Variants in PPP1R12B observed in about 807,000 individuals in gnomAD.
PPP1R12B encodes the protein myosin phosphatase target subunit 2.
In PPP1R12B, 76 loss-of-function variants were observed where a neutral mutation model predicts 126.1. The ratio of observed to expected loss-of-function variants is 0.60; its 90% CI spans 0.50 to 0.73. The LOEUF (loss-of-function observed/expected upper bound fraction) is 0.73. PPP1R12B is among the 30% of genes least tolerant of loss of function. The pLI is 0.00. For missense variants in PPP1R12B, 1,052 were observed against 1,205.1 expected, an observed-to-expected ratio of 0.87 and a Z score of 1.88; for synonymous variants, 356 against 434.7, an observed-to-expected ratio of 0.82 and a Z score of 2.25.
chr1:202,544,724 AAAAC>A (rs1685479166), intron 18 of PPP1R12B, among the ~76,000 whole-genome samples: 2 of 152,274 alleles, frequency 1.3e-5, no homozygotes, highest in Non-Finnish European at 2.9e-5. Flanking sequence ...AAAAATGACA[AAAAC>A]AAAAAAATAC....
chr1:202,507,575 C>T (rs1680960040), intron 18 of PPP1R12B, among the ~76,000 whole-genome samples: 1 of 152,124 alleles, frequency 6.6e-6, no homozygotes, highest in Admixed American at 6.5e-5. Flanking sequence ...TGGTATTTTT[C>T]CAAAGTTTTT....
chr1:202,395,380 C>T (rs572940056), intron 1 of PPP1R12B, among the ~76,000 whole-genome samples: 4 of 152,218 alleles, frequency 2.6e-5, no homozygotes, highest in African/African-American at 4.8e-5. Context: ...AAAATACCGC[C>T]GCTCCCTTGA....
chr1:202,443,558 A>T (rs1282491223), intron 12 of PPP1R12B, among the ~76,000 whole-genome samples: 1 of 152,276 alleles, frequency 6.6e-6, no homozygotes, highest in African/African-American at 2.4e-5. Flanking sequence ...GATACATTCT[A>T]TAAGAAAGGG....
At chr1:202,423,932 G>C (rs1669146158) in intron 3 of PPP1R12B, among the ~76,000 whole-genome samples, 1 of 152,142 alleles carries the variant, frequency 6.6e-6, no homozygotes, top group African/African-American at 2.4e-5. Flanking sequence ...TGATCCACCA[G>C]CCTCGGCCTC....
chr1:202,513,810 C>G (rs920379987), intron 18 of PPP1R12B, among the ~76,000 whole-genome samples: 3 of 152,072 alleles, frequency 2.0e-5, no homozygotes, highest in African/African-American at 7.2e-5. Context: ...AGGAGGGCCA[C>G]TGCTATGAAA....
chr1:202,438,066 T>G, intron 10 of PPP1R12B, 42 bp downstream of exon 10: 1 of 1,600,236 alleles, frequency 6.2e-7, no homozygotes, highest in Non-Finnish European at 8.5e-7. Context: ...AGGCAGTTTT[T>G]TTTTTCCATG....
intron 12 of PPP1R12B, among the ~76,000 whole-genome samples, chr1:202,444,698 TTTTCCTATTATTCCC>T (rs1269372077): frequency 6.6e-6 from 1 of 152,206 alleles, no homozygotes; most frequent in Non-Finnish European, 1.5e-5. Flanking sequence ...AAATTATCCT[TTTTCCTATTATTCCC>T]TTTCTTAGCC....
intron 1 of PPP1R12B, among the ~76,000 whole-genome samples, chr1:202,373,556 C>T (rs1046733478): frequency 3.3e-5 from 5 of 152,068 alleles, no homozygotes; most frequent in Admixed American, 6.5e-5. Flanking sequence ...GTTGTCCCAG[C>T]ACCATTGTTG....
At chr1:202,509,140 A>G (rs935415292) in intron 18 of PPP1R12B, among the ~76,000 whole-genome samples, 4 of 152,276 alleles carry the variant, frequency 2.6e-5, no homozygotes, top group African/African-American at 9.6e-5. Context: ...TAATGTCAAC[A>G]TAACTCCAAA....
intron 18 of PPP1R12B, among the ~76,000 whole-genome samples, chr1:202,524,645 T>C (rs1198972794): frequency 6.6e-6 from 1 of 152,208 alleles, no homozygotes; most frequent in Non-Finnish European, 1.5e-5. Context: ...GTTACTTCAC[T>C]TAGAATAATG....
chr1:202,462,771 T>C, intron 13 of PPP1R12B: 2 of 984,674 alleles, frequency 2.0e-6, no homozygotes, highest in Non-Finnish European at 2.4e-6. Context: ...TAAAATGGGC[T>C]CCAGTGTTTA....
intron 1 of PPP1R12B, among the ~76,000 whole-genome samples, chr1:202,406,933 C>T (rs773604941): frequency 5.3e-5 from 8 of 152,150 alleles, no homozygotes; most frequent in Non-Finnish European, 1.0e-4. Context: ...TAGTAGGCCA[C>T]ATTTATTGTT....
At chr1:202,368,228 C>G (rs1053493315) in intron 1 of PPP1R12B, among the ~76,000 whole-genome samples, 5 of 152,092 alleles carry the variant, frequency 3.3e-5, no homozygotes, top group Non-Finnish European at 7.4e-5. Context: ...CCCTCGGCCT[C>G]CCAAAGTGCT....
chr1:202,435,705 GA>G (rs1314927796), intron 9 of PPP1R12B, among the ~76,000 whole-genome samples: 1 of 152,150 alleles, frequency 6.6e-6, no homozygotes, highest in African/African-American at 2.4e-5. Context: ...TGAAGCTGTT[GA>G]AAAAGCTCTG....
chr1:202,453,810 T>C (rs1054833297), intron 13 of PPP1R12B, among the ~76,000 whole-genome samples: 4 of 151,920 alleles, frequency 2.6e-5, no homozygotes, highest in Non-Finnish European at 4.4e-5. Context: ...TTCTTTTTTC[T>C]TTTTTTCATT....
chr1:202,570,823 G>A (rs1289643368), intron 23 of PPP1R12B, among the ~76,000 whole-genome samples: 2 of 152,184 alleles, frequency 1.3e-5, no homozygotes, highest in Non-Finnish European at 2.9e-5. Context: ...ACACCCAGCT[G>A]AGCTAACTGT....
In PPP1R12B at chr1:202,555,325, G is replaced by GAAAAA. The variant is rs56752885; in HGVS notation, c.2491-3528_2491-3524dup. ...AAAACCCTAATTTTCCTGTTTTAAT[G>GAAAAA]AAAAAAAAAAAAAAAAAAAAAAAAA... is the stretch of plus-strand genomic sequence containing the variant. On this transcript the variant is annotated intron_variant, in intron 18 of 23. Coordinates refer to ENST00000608999, the MANE Select transcript of PPP1R12B (RefSeq NM_002481.4). Among the ~76,000 whole-genome samples the GAAAAA allele has an allele frequency of 2.0e-4, 5 of 25,352 alleles. 1 individual carries two copies. The highest frequency in any genetic ancestry group is 6.4e-4 in the African/African-American group (4 of 6,246). 16.6% of individuals were successfully genotyped at this position (25,352 alleles called of 152,430 possible).
chr1:202,439,941 T>C (rs1346389499), intron 10 of PPP1R12B: 1 of 157,284 alleles, frequency 6.4e-6, no homozygotes, highest in Non-Finnish European at 1.4e-5. Flanking sequence ...CCTCCTACCC[T>C]GCAAAAAAAA....
chr1:202,467,346 G>T (rs935294989), intron 13 of PPP1R12B, among the ~76,000 whole-genome samples: 7 of 151,588 alleles, frequency 4.6e-5, no homozygotes, highest in African/African-American at 1.5e-4. Context: ...TTAGCATTAG[G>T]TATATCTCCT....
Sources: gnomAD v4.1 joint callset for allele counts (sites outside exome capture counted in the v4.1 genomes callset) on GRCh38, gnomAD v4.1.1 for gene constraint, MANE v1.5 for transcripts, NCBI Gene and HGNC (gene_info 2026-07-23, HGNC 2026-07-21) for gene names.